The following SORL1-AS1 variants were observed in gnomAD, a reference collection of about 807,000 sequenced individuals.
The protein encoded by SORL1-AS1 is SORL1 antisense RNA 1.
the SORL1-AS1 span, among the ~76,000 whole-genome samples, chr11:121,439,199 T>G: frequency 2.6e-5 from 4 of 152,200 alleles, no homozygotes; most frequent in African/African-American, 9.7e-5. Context: ...TGGCCATGCA[T>G]AAAACATCCT....
At chr11:121,445,435 G>C (rs1860709620), downstream of SORL1-AS1, among the ~76,000 whole-genome samples, 1 of 152,144 alleles carries the variant, frequency 6.6e-6, no homozygotes, top group African/African-American at 2.4e-5. Context: ...AGTGCTGAAA[G>C]GGACGAGCTG....
At position 121,452,389 on chromosome 11, in the gene SORL1-AS1, G is replaced by T; in HGVS notation, n.339+286C>A. ...ACTCCCGTTCCTATTCACCCTGGTC[G>T]CACTGCTGCCGCCCGGAGCTCTCTG... On this transcript the variant is annotated intron_variant and non_coding_transcript_variant, in intron 1 of 1. Coordinates refer to ENST00000501964, the Ensembl canonical transcript of SORL1-AS1. This position sits in a 1 kb window ranked among gnomAD's most constrained non-coding sequence, Gnocchi z 5.3. The T allele has an allele frequency of 6.5e-7, 1 of 1,545,956 alleles. No homozygotes were observed. Among genetic ancestry groups the T allele is most frequent in the South Asian group, 1.2e-5 (1 of 83,118 alleles).
chr11:121,442,246 T>C, the SORL1-AS1 span, among the ~76,000 whole-genome samples: 1 of 152,220 alleles, frequency 6.6e-6, no homozygotes, highest in Non-Finnish European at 1.5e-5. Context: ...TAGATGCAGA[T>C]GCGACATTCC....
At chr11:121,444,524 C>G (rs767346660), downstream of SORL1-AS1, among the ~76,000 whole-genome samples, 7 of 152,210 alleles carry the variant, frequency 4.6e-5, no homozygotes, top group Non-Finnish European at 1.0e-4. Flanking sequence ...CGTCACGCCT[C>G]TAGTACTTTA....
At chr11:121,442,586 G>A (rs977967391), downstream of SORL1-AS1, among the ~76,000 whole-genome samples, 1 of 151,718 alleles carries the variant, frequency 6.6e-6, no homozygotes, top group Non-Finnish European at 1.5e-5. Context: ...AGTGAGCTGA[G>A]ATGGTGCCAC....
the SORL1-AS1 span, among the ~76,000 whole-genome samples, chr11:121,441,783 G>A: frequency 6.6e-6 from 1 of 152,120 alleles, no homozygotes; most frequent in South Asian, 2.1e-4. Context: ...CCCGACAGCT[G>A]CATGGAGCTA....
chr11:121,444,179 A>G (rs1489809343), downstream of SORL1-AS1, among the ~76,000 whole-genome samples: 2 of 152,202 alleles, frequency 1.3e-5, no homozygotes, highest in Non-Finnish European at 2.9e-5. Context: ...CAGTTTTTAT[A>G]GCAACATATC....
chr11:121,439,058 G>T, the SORL1-AS1 span, among the ~76,000 whole-genome samples: 1 of 152,130 alleles, frequency 6.6e-6, no homozygotes, highest in Non-Finnish European at 1.5e-5. Flanking sequence ...AAGCTACAAT[G>T]AATATTCTTA....
At chr11:121,439,661 G>A in the SORL1-AS1 span, among the ~76,000 whole-genome samples, 6 of 152,234 alleles carry the variant, frequency 3.9e-5, no homozygotes, top group Non-Finnish European at 8.8e-5. Flanking sequence ...CACAAATACA[G>A]CACTGAGTTC....
At chr11:121,443,589 A>T (rs1359414619), downstream of SORL1-AS1, among the ~76,000 whole-genome samples, 1 of 152,200 alleles carries the variant, frequency 6.6e-6, no homozygotes, top group East Asian at 1.9e-4. Context: ...ACTTTAATCC[A>T]TGCTAGGGGT....
downstream of SORL1-AS1, among the ~76,000 whole-genome samples, chr11:121,442,370 C>A (rs948338156): frequency 1.2e-4 from 19 of 152,148 alleles, no homozygotes; most frequent in African/African-American, 4.6e-4. Flanking sequence ...CGAAGTGGCT[C>A]ACATTTGTAA....
chr11:121,446,089 G>C (rs554126379), downstream of SORL1-AS1, among the ~76,000 whole-genome samples: 10 of 152,142 alleles, frequency 6.6e-5, no homozygotes, highest in Non-Finnish European at 1.0e-4. Flanking sequence ...ACCAACTGCC[G>C]AAGGGTGTGA....
At chr11:121,448,067 T>C (rs1485388828) in exon 2 of SORL1-AS1, 1 of 152,230 alleles carries the variant, frequency 6.6e-6, no homozygotes, top group Non-Finnish European at 1.5e-5. Context: ...TCTTCCTTTC[T>C]GAATTTCAAT....
In SORL1-AS1 at chr11:121,452,221, G is replaced by C; in HGVS notation, n.339+454C>G. ...GGGGCGGCCCGGAGCGGCGCGGGCG[G>C]CCTGGAGCCCCGGGAGCGGCGCGCG... On this transcript the variant is annotated intron_variant and non_coding_transcript_variant, in intron 1 of 1. Coordinates refer to ENST00000501964, the Ensembl canonical transcript of SORL1-AS1. The surrounding 1 kb of genome is among the most constrained non-coding windows in gnomAD (Gnocchi z 5.3). The C allele has an allele frequency of 1.3e-6, 1 of 799,198 alleles. No individual in the cohort carries two copies. Among genetic ancestry groups the C allele is most frequent in the Non-Finnish European group, 1.6e-6 (1 of 615,386 alleles). 49.5% of individuals were successfully genotyped at this position (799,198 alleles called of 1,614,324 possible).
At chr11:121,446,835 G>T (rs899329990), downstream of SORL1-AS1, among the ~76,000 whole-genome samples, 3 of 151,930 alleles carry the variant, frequency 2.0e-5, no homozygotes, top group East Asian at 5.8e-4. Flanking sequence ...TGTCTTGCTG[G>T]CCCTAAGAGA....
At chr11:121,447,951 C>T (rs1860744081) in exon 2 of SORL1-AS1, 1 of 152,160 alleles carries the variant, frequency 6.6e-6, no homozygotes, top group Admixed American at 6.5e-5. Flanking sequence ...CTCTTCTCTT[C>T]CTAAGAGAGG....
the SORL1-AS1 span, among the ~76,000 whole-genome samples, chr11:121,439,651 C>T: frequency 6.6e-6 from 1 of 151,986 alleles, no homozygotes; most frequent in South Asian, 2.1e-4. Flanking sequence ...TCTGAGAGAG[C>T]ACAAATACAG....
chr11:121,447,311 CTTTTT>C (rs36048258), downstream of SORL1-AS1: 7 of 125,766 alleles, frequency 5.6e-5, no homozygotes, highest in East Asian at 2.2e-4. Context: ...AACTTGAGGG[CTTTTT>C]TTTTTTTTTT....
At chr11:121,440,226 A>T in the SORL1-AS1 span, among the ~76,000 whole-genome samples, 2 of 152,204 alleles carry the variant, frequency 1.3e-5, no homozygotes, top group Non-Finnish European at 2.9e-5. Context: ...TATAAGAATT[A>T]GCTGGGCCTG....
Sources: gnomAD v4.1 joint callset for allele counts (sites outside exome capture counted in the v4.1 genomes callset) on GRCh38, gnomAD v4.1.1 for gene constraint, Gnocchi (gnomAD v3.1) non-coding constraint, MANE v1.5 for transcripts, NCBI Gene and HGNC (gene_info 2026-07-23, HGNC 2026-07-21) for gene names.